Variants in GASK1B observed in about 807,000 individuals in gnomAD.
The protein encoded by GASK1B is golgi associated kinase 1B, also known as Golgi-associated kinase 1B.
Under a neutral mutation model 42.8 loss-of-function variants are expected in GASK1B, and 34 were observed. The observed-to-expected ratio is 0.79, with a 90% confidence interval of 0.60 to 1.06. GASK1B has a LOEUF of 1.06. Ranked by LOEUF, GASK1B falls within the 50% of genes least tolerant of loss-of-function variation. The pLI, the probability that GASK1B is intolerant of heterozygous loss-of-function variation, is 0.00. For synonymous variants in GASK1B, 262 were observed against 259.1 expected (o/e 1.01, Z -0.11); for missense variants, 686 against 661.0 (o/e 1.04, Z -0.42).
At chr4:158,172,093 G>A (rs1315428658) in intron 1 of GASK1B, among the ~76,000 whole-genome samples, 3 of 152,010 alleles carry the variant, frequency 2.0e-5, no homozygotes, top group Admixed American at 2.0e-4. Flanking sequence ...AGCTTACATT[G>A]TTAGTATAAT....
At chr4:158,134,781 T>A (rs1413530494) in intron 3 of GASK1B, among the ~76,000 whole-genome samples, 1 of 152,140 alleles carries the variant, frequency 6.6e-6, no homozygotes, top group East Asian at 1.9e-4. Context: ...GAAAAAAGCA[T>A]CTCATGAGTG....
At chr4:158,155,075 G>T (rs376093004) in intron 3 of GASK1B, among the ~76,000 whole-genome samples, 2 of 152,174 alleles carry the variant, frequency 1.3e-5, no homozygotes, top group South Asian at 4.2e-4. Flanking sequence ...ATGGCAATGG[G>T]TGGTTGGGCA....
At chr4:158,162,322 G>C (rs1171422173) in intron 2 of GASK1B, among the ~76,000 whole-genome samples, 1 of 152,112 alleles carries the variant, frequency 6.6e-6, no homozygotes, top group East Asian at 1.9e-4. Flanking sequence ...CAAGCTGAGA[G>C]CTCTGAAGAA....
At chr4:158,146,067 T>G (rs2110967613) in intron 3 of GASK1B, among the ~76,000 whole-genome samples, 1 of 152,352 alleles carries the variant, frequency 6.6e-6, no homozygotes, top group South Asian at 2.1e-4. Context: ...ATACGTGTAT[T>G]GTGAGAGCAC....
chr4:158,149,723 T>A (rs946020622), intron 3 of GASK1B, among the ~76,000 whole-genome samples: 4 of 152,152 alleles, frequency 2.6e-5, no homozygotes, highest in African/African-American at 9.7e-5. Flanking sequence ...TTACATTTTA[T>A]CATATTGACT....
intron 3 of GASK1B, among the ~76,000 whole-genome samples, chr4:158,145,762 A>G (rs993107816): frequency 6.6e-6 from 1 of 152,206 alleles, no homozygotes; most frequent in Non-Finnish European, 1.5e-5. Context: ...TATTACCAGC[A>G]CTAAACCTAC....
At chr4:158,157,764 G>A (rs1362103700) in intron 2 of GASK1B, among the ~76,000 whole-genome samples, 1 of 152,104 alleles carries the variant, frequency 6.6e-6, no homozygotes, top group East Asian at 1.9e-4. Flanking sequence ...GGCCTTTGGA[G>A]AAATATGGAA....
intron 2 of GASK1B, among the ~76,000 whole-genome samples, chr4:158,160,452 C>G (rs1335554626): frequency 6.6e-6 from 1 of 152,046 alleles, no homozygotes; most frequent in Non-Finnish European, 1.5e-5. Context: ...AAAAAGATTA[C>G]AAGTGTTGGT....
chr4:158,171,356 G>A lies in GASK1B; in HGVS notation c.20C>T (p.Pro7Leu), dbSNP rs1220054609. Reference protein sequence around the residue: MTCPDKPGQLINWFICS... With the variant: MTCPDKLGQLINWFICS... ...GATGAACCAGTTTATGAGCTGCCCCGGCTTGTCTGGACAGGTCATTTCTCT... is the reference window on the plus strand; with the variant it reads ...GATGAACCAGTTTATGAGCTGCCCCAGCTTGTCTGGACAGGTCATTTCTCT... The change falls in exon 2 of 5, where the codon CCG (proline) becomes CTG (leucine). Residue 7 changes from proline (P) to leucine (L), a missense_variant. By Grantham distance (98) the Pro-to-Leu change is moderately conservative. Coordinates refer to ENST00000585682, the MANE Select transcript of GASK1B (RefSeq NM_001128424.2). The A allele has an allele frequency of 2.5e-6, 4 of 1,595,278 alleles. No homozygotes were observed. The highest frequency in any genetic ancestry group is 1.3e-5 in the African/African-American group (1 of 74,780).
intron 2 of GASK1B, chr4:158,169,622 G>A (rs1732376034): frequency 6.6e-6 from 1 of 152,292 alleles, no homozygotes; most frequent in South Asian, 2.1e-4. Context: ...ATTCAAAGTT[G>A]TAACTTCTGG....
intron 2 of GASK1B, among the ~76,000 whole-genome samples, chr4:158,157,334 C>T (rs1049138288): frequency 6.6e-6 from 1 of 152,124 alleles, no homozygotes; most frequent in African/African-American, 2.4e-5. Flanking sequence ...TCTCTCTCTC[C>T]TTCCAATGTC....
At position 158,141,920 on chromosome 4, in the gene GASK1B, C is replaced by CTT. The variant is rs36207959; in HGVS notation, c.1126-10910_1126-10909dup. Among the ~76,000 whole-genome samples, 157 of 47,620 alleles carry CTT rather than the reference C, an allele frequency of 3.3e-3. 4 individuals carry two copies. The highest frequency in any genetic ancestry group is 6.5e-3 in the African/African-American group (74 of 11,462). The allele number at this position is 47,620 out of a possible 152,430, so 31.2% of individuals were successfully genotyped here. A position where few individuals can be genotyped will look rare whatever the true frequency, so the allele number is the denominator to read the frequency against. On this transcript the variant is annotated intron_variant, in intron 3 of 4. Coordinates refer to ENST00000585682, the MANE Select transcript of GASK1B (RefSeq NM_001128424.2). ...CCGCGCCCGGCCGATGTTGTGGTTT[C>CTT]TTTTTTTTTTTTTTTTTTTTTTTTT...
intron 2 of GASK1B, among the ~76,000 whole-genome samples, chr4:158,164,907 T>C (rs1305137916): frequency 1.3e-5 from 2 of 152,216 alleles, no homozygotes; most frequent in Non-Finnish European, 2.9e-5. Flanking sequence ...TCTCCTACTT[T>C]ATAATACGAA....
chr4:158,160,880 C>T (rs953035013), intron 2 of GASK1B, among the ~76,000 whole-genome samples: 1 of 151,952 alleles, frequency 6.6e-6, no homozygotes, highest in Non-Finnish European at 1.5e-5. Flanking sequence ...TACTGCATGA[C>T]CTCTCTTATA....
Position 158,127,487 on chromosome 4 carries a change from C to T in GASK1B, c.1480G>A (p.Asp494Asn), listed in dbSNP as rs1350161602. The change falls in exon 5 of 5, where the codon GAT becomes AAT. Residue 494 changes from aspartate (D) to asparagine (N), a missense_variant. By Grantham distance (23) the Asp-to-Asn change is conservative. Coordinates refer to ENST00000585682, the MANE Select transcript of GASK1B (RefSeq NM_001128424.2). Reference sequence around the variant, plus strand: ...ATTTTGGCTCTGTGTTCTATTACATCGATAAGCTTTTCAATTCCTTGTCTA... The same window carrying T: ...ATTTTGGCTCTGTGTTCTATTACATTGATAAGCTTTTCAATTCCTTGTCTA... ...GGRQGIEKLIDVIEHRAKILI... is the reference protein window; with the variant it reads ...GGRQGIEKLINVIEHRAKILI... 2 of 1,613,584 alleles carry T rather than the reference C, an allele frequency of 1.2e-6. No individual in the cohort carries two copies. The highest frequency in any genetic ancestry group is 1.1e-5 in the South Asian group (1 of 91,076).
In GASK1B at chr4:158,127,418, T is replaced by C. The variant is rs1293101371; in HGVS notation, c.1549A>G (p.Met517Val). 6.2e-7 allele frequency: 1 copy of C among 1,612,824 alleles called. No homozygotes were observed. Among genetic ancestry groups the C allele is most frequent in the East Asian group, 2.2e-5 (1 of 44,850 alleles). The change falls in exon 5 of 5, where the codon ATG (methionine) becomes GTG (valine). Residue 517 changes from methionine (M) to valine (V), a missense_variant. Physicochemically the swap from Met to Val is conservative, Grantham distance 21. Transcript: ENST00000585682. ...INAHGVKVLP[M>V]NE The stretch of plus-strand genomic sequence containing the variant: ...AGAAGATTCTTTTGTCATTCATTCA[T>C]AGGTAATACTTTGACCCCGTGTGCA...
chr4:158,170,120 T>C (rs976646460), intron 2 of GASK1B: 2 of 1,009,300 alleles, frequency 2.0e-6, no homozygotes, highest in Non-Finnish European at 1.4e-6. Context: ...GTCAGCAAGT[T>C]CTTTGCCTCC....
At chr4:158,134,189 T>C (rs933891089) in intron 3 of GASK1B, among the ~76,000 whole-genome samples, 4 of 152,242 alleles carry the variant, frequency 2.6e-5, no homozygotes, top group African/African-American at 4.8e-5. Flanking sequence ...TTAAATTCAG[T>C]GCCATTTTGT....
At chr4:158,157,713 G>A (rs537265937) in intron 2 of GASK1B, among the ~76,000 whole-genome samples, 167 of 152,156 alleles carry the variant, frequency 1.1e-3, no homozygotes, top group African/African-American at 3.7e-3. Context: ...AAATCAACAC[G>A]CGGGTCAGAA....
Sources: allele counts gnomAD v4.1 joint callset (sites outside exome capture counted in the v4.1 genomes callset), GRCh38; gene constraint gnomAD v4.1.1; transcripts MANE v1.5; gene names NCBI Gene and HGNC (gene_info 2026-07-23, HGNC 2026-07-21).